Variants in DLGAP2 observed in about 807,000 individuals in gnomAD.
DLGAP2 encodes the protein DLG associated protein 2.
In DLGAP2, 26 loss-of-function variants were observed where a neutral mutation model predicts 100.3. The ratio of observed to expected loss-of-function variants is 0.26; its 90% confidence interval spans 0.19 to 0.36. The LOEUF (loss-of-function observed/expected upper bound fraction) is 0.36. Ranked by LOEUF, DLGAP2 falls within the 10% of genes least tolerant of loss-of-function variation. The pLI is 1.00. For synonymous variants in DLGAP2, 886 were observed against 630.1 expected (o/e 1.41, Z -6.08); for missense variants, 1,858 against 1,453.2 (o/e 1.28, Z -4.53).
intron 2 of DLGAP2, among the ~76,000 whole-genome samples, chr8:1,158,111 T>C (rs546565983): frequency 6.6e-6 from 1 of 152,374 alleles, no homozygotes; most frequent in East Asian, 1.9e-4. Flanking sequence ...GTTTTTCTAA[T>C]AGACCATGCT....
chr8:1,653,541 G>A (rs1011418990), intron 8 of DLGAP2, among the ~76,000 whole-genome samples: 10 of 152,226 alleles, frequency 6.6e-5, no homozygotes, highest in African/African-American at 2.4e-4. Context: ...CAACTTCAGT[G>A]CAAGGAGCCC....
intron 2 of DLGAP2, among the ~76,000 whole-genome samples, chr8:1,093,110 T>G (rs755724241): frequency 1.4e-4 from 21 of 152,200 alleles, no homozygotes; most frequent in Non-Finnish European, 2.1e-4. Context: ...ACCGCACGCT[T>G]CTTCTCTCAC....
At chr8:1,361,121 TG>T (rs1259287849) in intron 3 of DLGAP2, among the ~76,000 whole-genome samples, 11 of 152,216 alleles carry the variant, frequency 7.2e-5, no homozygotes, top group African/African-American at 2.2e-4. Context: ...CGAGCTGAGA[TG>T]GTCCTTGGTG....
At chr8:794,665 C>T (rs1421852043) in intron 1 of DLGAP2, among the ~76,000 whole-genome samples, 1 of 152,190 alleles carries the variant, frequency 6.6e-6, no homozygotes, top group Non-Finnish European at 1.5e-5. Flanking sequence ...CACAACCTTC[C>T]AGCTTGGGCA....
At position 1,345,854 on chromosome 8, in the gene DLGAP2, G is replaced by C. The variant is rs192733302; in HGVS notation, c.106+86971G>C. ...TAACTGAGCGTGCTTAGAGTGCACT[G>C]CTTGTCATTATCGCTAGTGGTTGCC... On this transcript the variant is annotated intron_variant, in intron 3 of 14. Coordinates refer to ENST00000637795, the MANE Select transcript of DLGAP2 (RefSeq NM_001346810.2). 1.2e-4 allele frequency among the ~76,000 whole-genome samples: 18 copies of C among 152,332 alleles called. No homozygotes were observed. The South Asian group carries it at 3.7e-3, about 32-fold the overall frequency.
intron 3 of DLGAP2, among the ~76,000 whole-genome samples, chr8:1,373,333 C>G (rs558693052): frequency 6.6e-6 from 1 of 151,740 alleles, no homozygotes; most frequent in African/African-American, 2.4e-5. Flanking sequence ...CGGGCCCTTC[C>G]GGAGGCGCCG....
intron 4 of DLGAP2, among the ~76,000 whole-genome samples, chr8:1,548,401 G>A (rs1007234896): frequency 6.8e-6 from 1 of 146,840 alleles, no homozygotes; most frequent in Non-Finnish European, 1.5e-5. Context: ...GGAGCTTGCA[G>A]TGAGCCGTGA....
chr8:866,016 C>G lies in DLGAP2; in HGVS notation c.19-41896C>G, dbSNP rs1040075517. Among the ~76,000 whole-genome samples the G allele has an allele frequency of 7.2e-5, 11 of 152,334 alleles. No individual in the cohort carries two copies. In the East Asian group the frequency reaches 1.5e-3, roughly 21 times the overall value. Reference sequence around the variant, plus strand: ...TTCTAATCCAGTTACTTTTATGGGTCTCTTTTTAAATTTTTTATGGGGAAG... The same window carrying G: ...TTCTAATCCAGTTACTTTTATGGGTGTCTTTTTAAATTTTTTATGGGGAAG... On this transcript the variant is annotated intron_variant, in intron 1 of 14. Coordinates refer to ENST00000637795, the MANE Select transcript of DLGAP2 (RefSeq NM_001346810.2).
chr8:1,253,333 T>G (rs1782714003), intron 2 of DLGAP2, among the ~76,000 whole-genome samples: 1 of 152,096 alleles, frequency 6.6e-6, no homozygotes, highest in Non-Finnish European at 1.5e-5. Context: ...ATCTCCCGGC[T>G]CCATCGGCTG....
At chr8:1,364,757 C>G (rs143867831) in intron 3 of DLGAP2, among the ~76,000 whole-genome samples, 1 of 152,228 alleles carries the variant, frequency 6.6e-6, no homozygotes, top group Non-Finnish European at 1.5e-5. Context: ...TCCCCTTGAA[C>G]GAAGGACGAG....
chr8:1,195,528 G>A (rs186601036), intron 2 of DLGAP2, among the ~76,000 whole-genome samples: 1 of 152,334 alleles, frequency 6.6e-6, no homozygotes, highest in East Asian at 1.9e-4. Flanking sequence ...AATGCTTGCT[G>A]CCTATCCAAT....
rs1585206598 is a variant in DLGAP2, at chr8:1,265,747, A to G, written c.106+6864A>G. Among the ~76,000 whole-genome samples, 3 of 152,250 alleles carry G rather than the reference A, an allele frequency of 2.0e-5. No homozygotes were observed. In the South Asian group the frequency reaches 6.2e-4, roughly 31 times the overall value. ...ATTTTCAGGAGAGTTTTCGTAGTCA[A>G]TACTGATGCCAGATGATGTTGGAAT... is the stretch of plus-strand genomic sequence containing the variant. On this transcript the variant is annotated intron_variant, in intron 3 of 14. Coordinates refer to ENST00000637795, the MANE Select transcript of DLGAP2 (RefSeq NM_001346810.2).
chr8:1,571,968 G>A (rs1389580837), intron 6 of DLGAP2, among the ~76,000 whole-genome samples: 8 of 138,324 alleles, frequency 5.8e-5, no homozygotes, highest in Admixed American at 7.1e-5. Context: ...AACTGTGGGG[G>A]CGTCTGATGA....
In DLGAP2 at chr8:1,295,361, G is replaced by A. The variant is rs183946448; in HGVS notation, c.106+36478G>A. Among the ~76,000 whole-genome samples, 5 of 152,344 alleles carry A rather than the reference G, an allele frequency of 3.3e-5. No homozygotes were observed. The East Asian group carries it at 9.6e-4, about 29-fold the overall frequency. On this transcript the variant is annotated intron_variant, in intron 3 of 14. Coordinates refer to ENST00000637795, the MANE Select transcript of DLGAP2 (RefSeq NM_001346810.2). ...GTGACCGTGGGCCCGGAGTCCCAGC[G>A]TGGCAGCTGCAGGCTCTGCCCTCCT... is the stretch of plus-strand genomic sequence containing the variant.
intron 3 of DLGAP2, among the ~76,000 whole-genome samples, chr8:1,318,893 T>G (rs930886583): frequency 6.8e-6 from 1 of 147,660 alleles, no homozygotes; most frequent in African/African-American, 2.5e-5. Flanking sequence ...CTTAGAAGGG[T>G]CCAGTGGGTC....
At chr8:1,209,134 A>T (rs892185638) in intron 2 of DLGAP2, among the ~76,000 whole-genome samples, 6 of 152,174 alleles carry the variant, frequency 3.9e-5, no homozygotes, top group Non-Finnish European at 8.8e-5. Context: ...CATTCTTCAC[A>T]GAAGTAGAAA....
chr8:824,018 A>ATTTCTTCTTCTTTTT (rs11274828), intron 1 of DLGAP2, among the ~76,000 whole-genome samples: 1 of 141,022 alleles, frequency 7.1e-6, no homozygotes, highest in African/African-American at 2.5e-5. Context: ...CTGGGACAAC[A>ATTTCTTCTTCTTTTT]TTTCTTCTTC....
intron 1 of DLGAP2, among the ~76,000 whole-genome samples, chr8:863,252 A>G (rs1406190026): frequency 6.6e-6 from 1 of 152,210 alleles, no homozygotes; most frequent in Non-Finnish European, 1.5e-5. Context: ...GCTCTGCACC[A>G]GGGTTATTTA....
intron 2 of DLGAP2, among the ~76,000 whole-genome samples, chr8:1,139,246 C>T (rs1279523117): frequency 6.6e-6 from 1 of 152,218 alleles, no homozygotes; most frequent in Non-Finnish European, 1.5e-5. Flanking sequence ...CCCTCGTTGC[C>T]CCTGTGTTCT....
Sources: gnomAD v4.1 joint callset for allele counts (sites outside exome capture counted in the v4.1 genomes callset) on GRCh38, gnomAD v4.1.1 for gene constraint, MANE v1.5 for transcripts, NCBI Gene and HGNC (gene_info 2026-07-23, HGNC 2026-07-21) for gene names.